Variants in DTNBP1 observed in about 807,000 individuals in gnomAD.
DTNBP1 encodes the protein dystrobrevin binding protein 1, also known as dysbindin.
Under a neutral mutation model 42.8 loss-of-function variants are expected in DTNBP1, and 35 were observed. The observed-to-expected ratio is 0.82, with a 90% CI of 0.63 to 1.09. DTNBP1 has a LOEUF of 1.09. Among genes scored for constraint, DTNBP1 ranks in the 50% least tolerant of loss-of-function variants. DTNBP1 has a pLI of 0.00. For missense variants in DTNBP1, 457 were observed against 424.2 expected (o/e 1.08, Z -0.68); for synonymous variants, 171 against 162.2 (o/e 1.05, Z -0.41).
chr6:15,612,245 A>C (rs1758447730), intron 6 of DTNBP1, among the ~76,000 whole-genome samples: 2 of 152,232 alleles, frequency 1.3e-5, no homozygotes. Context: ...GATCATCAGC[A>C]ATAAAGTATT....
chr6:15,620,558 A>G (rs998271753), intron 5 of DTNBP1, among the ~76,000 whole-genome samples: 2 of 152,232 alleles, frequency 1.3e-5, no homozygotes, highest in Non-Finnish European at 2.9e-5. Context: ...TACTCCTAGT[A>G]CTAAAGAAGC....
At chr6:15,555,681 T>G (rs1774472675) in intron 7 of DTNBP1, among the ~76,000 whole-genome samples, 1 of 152,216 alleles carries the variant, frequency 6.6e-6, no homozygotes, top group Non-Finnish European at 1.5e-5. Context: ...GGAAGAACCC[T>G]CAGTTCCAGG....
At chr6:15,527,923 C>T (rs926074595) in intron 8 of DTNBP1, among the ~76,000 whole-genome samples, 1 of 152,150 alleles carries the variant, frequency 6.6e-6, no homozygotes. Flanking sequence ...CTATAACTAT[C>T]AGAAAAAAAG....
intron 5 of DTNBP1, among the ~76,000 whole-genome samples, chr6:15,619,299 T>C (rs996550172): frequency 6.6e-6 from 1 of 152,176 alleles, no homozygotes; most frequent in African/African-American, 2.4e-5. Flanking sequence ...TGTACATGTA[T>C]CAAAAATCAC....
chr6:15,621,714 G>A (rs1759052710), intron 5 of DTNBP1, among the ~76,000 whole-genome samples: 1 of 152,158 alleles, frequency 6.6e-6, no homozygotes, highest in South Asian at 2.1e-4. Flanking sequence ...ATCATTCAGA[G>A]AGCTACTGCT....
At chr6:15,531,316 C>T (rs116050568) in intron 8 of DTNBP1, among the ~76,000 whole-genome samples, 198 of 152,316 alleles carry the variant, frequency 1.3e-3, no homozygotes, top group African/African-American at 4.5e-3. Flanking sequence ...GGAGCAAACC[C>T]TCTCCTTCCT....
intron 7 of DTNBP1, among the ~76,000 whole-genome samples, chr6:15,590,991 A>G (rs1299995426): frequency 6.6e-6 from 1 of 152,232 alleles, no homozygotes; most frequent in African/African-American, 2.4e-5. Context: ...AAAAGGAAAA[A>G]GGCAATATTC....
chr6:15,558,204 C>A (rs1013802805), intron 7 of DTNBP1, among the ~76,000 whole-genome samples: 1 of 151,798 alleles, frequency 6.6e-6, no homozygotes, highest in African/African-American at 2.4e-5. Context: ...TTTTGTCATC[C>A]ACAATTGTCT....
intron 7 of DTNBP1, among the ~76,000 whole-genome samples, chr6:15,581,826 G>A (rs1287787575): frequency 6.6e-6 from 1 of 152,126 alleles, no homozygotes; most frequent in East Asian, 1.9e-4. Flanking sequence ...CTGCAATAGA[G>A]AAGATTTGAC....
chr6:15,553,571 GT>G (rs1372513320), intron 7 of DTNBP1, among the ~76,000 whole-genome samples: 1 of 108,564 alleles, frequency 9.2e-6, no homozygotes, highest in Non-Finnish European at 1.8e-5. Context: ...GTGCAAAGCA[GT>G]TCAATGCTCT....
intron 7 of DTNBP1, among the ~76,000 whole-genome samples, chr6:15,540,061 C>T (rs1378372627): frequency 6.6e-6 from 1 of 152,174 alleles, no homozygotes; most frequent in Non-Finnish European, 1.5e-5. Context: ...GAGGGAGCAA[C>T]ACCAAATATT....
At chr6:15,604,020 C>A (rs1430305616) in intron 6 of DTNBP1, among the ~76,000 whole-genome samples, 2 of 152,192 alleles carry the variant, frequency 1.3e-5, no homozygotes, top group African/African-American at 2.4e-5. Flanking sequence ...CTCTTCAACT[C>A]TGAGTCTGCC....
chr6:15,557,456 G>A (rs911121322), intron 7 of DTNBP1, among the ~76,000 whole-genome samples: 2 of 152,104 alleles, frequency 1.3e-5, no homozygotes, highest in East Asian at 1.9e-4. Context: ...GCACTGCAGG[G>A]TTTTCTTAGA....
intron 5 of DTNBP1, among the ~76,000 whole-genome samples, chr6:15,625,253 G>A (rs2743869): frequency 0.15 from 23,495 of 152,006 alleles, 2,702 homozygotes; most frequent in African/African-American, 0.32. Context: ...TATATGAAAA[G>A]CAACCATCCA....
chr6:15,608,378 C>A (rs1176275585), intron 6 of DTNBP1, among the ~76,000 whole-genome samples: 1 of 151,952 alleles, frequency 6.6e-6, no homozygotes, highest in East Asian at 1.9e-4. Context: ...AGTCATAAAG[C>A]TCCTCTCAAT....
intron 5 of DTNBP1, among the ~76,000 whole-genome samples, chr6:15,616,619 A>G (rs1758732491): frequency 2.0e-5 from 3 of 152,354 alleles, no homozygotes; most frequent in Non-Finnish European, 4.4e-5. Flanking sequence ...AAACGGCTAC[A>G]ATATAATTCC....
At chr6:15,536,966 C>CAAT (rs1245346200) in intron 7 of DTNBP1, among the ~76,000 whole-genome samples, 27 of 152,332 alleles carry the variant, frequency 1.8e-4, no homozygotes, top group Admixed American at 1.7e-3. Context: ...TGCTTGGGGC[C>CAAT]TGTAGACCCT....
chr6:15,641,731 C>G (rs1218584747), intron 3 of DTNBP1, among the ~76,000 whole-genome samples: 1 of 152,132 alleles, frequency 6.6e-6, no homozygotes, highest in African/African-American at 2.4e-5. Context: ...AGATTCCCTG[C>G]AAACACACCT....
chr6:15,534,380 G>A (rs754722435), intron 7 of DTNBP1, among the ~76,000 whole-genome samples: 4 of 152,138 alleles, frequency 2.6e-5, no homozygotes, highest in African/African-American at 4.8e-5. Flanking sequence ...GGCCGGGCGC[G>A]GTGGCTCACG....
Sources: gnomAD v4.1 joint callset for allele counts (sites outside exome capture counted in the v4.1 genomes callset) on GRCh38, gnomAD v4.1.1 for gene constraint, MANE v1.5 for transcripts, NCBI Gene and HGNC (gene_info 2026-07-23, HGNC 2026-07-21) for gene names.